The following AP1S3 variants were observed in gnomAD, a reference collection of about 807,000 sequenced individuals.
The protein encoded by AP1S3 is adaptor related protein complex 1 subunit sigma 3.
Under a neutral mutation model 20.9 loss-of-function variants are expected in AP1S3, and 10 were observed. The observed-to-expected ratio is 0.48, with a 90% confidence interval of 0.29 to 0.81. The LOEUF is 0.81. AP1S3 is among the 30% of genes least tolerant of loss of function. The pLI is 0.08. For synonymous variants in AP1S3, 41 were observed against 61.5 expected, an observed-to-expected ratio of 0.67 and a Z score of 1.56; for missense variants, 154 against 183.8, an observed-to-expected ratio of 0.84 and a Z score of 0.94.
At chr2:223,815,875 T>C (rs1562299) in intron 1 of AP1S3, among the ~76,000 whole-genome samples, 76,006 of 152,042 alleles carry the variant, frequency 0.5, 19,122 homozygotes, top group Admixed American at 0.58. Flanking sequence ...TACGGGAGGC[T>C]AAGGGAGGAA....
At chr2:223,777,956 A>T (rs907173270) in intron 1 of AP1S3, 87 bp from the exon 2 acceptor site, 1 of 1,187,560 alleles carries the variant, frequency 8.4e-7, no homozygotes, top group African/African-American at 1.5e-5. Flanking sequence ...TGATGGATTT[A>T]CACAGAAAGA....
At chr2:223,816,839 T>C (rs932520030) in intron 1 of AP1S3, among the ~76,000 whole-genome samples, 2 of 152,136 alleles carry the variant, frequency 1.3e-5, no homozygotes, top group African/African-American at 4.8e-5. Context: ...TAAAATAAAA[T>C]AGCCCAGTCT....
At chr2:223,788,762 TAAAA>T (rs778744960) in intron 1 of AP1S3, among the ~76,000 whole-genome samples, 1 of 110,142 alleles carries the variant, frequency 9.1e-6, no homozygotes, top group African/African-American at 3.4e-5. Context: ...AGACTCTGTC[TAAAA>T]AAAAAAAAAA....
At chr2:223,807,705 C>G (rs1289472575) in intron 1 of AP1S3, among the ~76,000 whole-genome samples, 1 of 151,890 alleles carries the variant, frequency 6.6e-6, no homozygotes, top group African/African-American at 2.4e-5. Flanking sequence ...TGTTCCTGCT[C>G]CCCCACATAA....
chr2:223,808,144 C>T (rs1284961803), intron 1 of AP1S3, among the ~76,000 whole-genome samples: 1 of 152,060 alleles, frequency 6.6e-6, no homozygotes, highest in East Asian at 1.9e-4. Flanking sequence ...TGGATTTATA[C>T]AAACAGTGAA....
intron 1 of AP1S3, among the ~76,000 whole-genome samples, chr2:223,800,430 G>T (rs1390832888): frequency 1.3e-5 from 2 of 151,946 alleles, no homozygotes; most frequent in African/African-American, 4.8e-5. Context: ...TACTCAGGAG[G>T]CTGAGGTGGG....
Position 223,777,712 on chromosome 2 carries a change from T to C in AP1S3, c.161A>G (p.Glu54Gly). The C allele has an allele frequency of 1.2e-6, 2 of 1,613,264 alleles. No homozygotes were observed. The highest frequency in any genetic ancestry group is 1.7e-6 in the Non-Finnish European group (2 of 1,179,848). ...HRTSSFVDWK[E>G]LKLVYKRYAS... ...ACACCTTTTATAAACAAGTTTTAGCTCCTTCCAGTCAACAAAACTGCTTGT... is the reference window on the plus strand; with the variant it reads ...ACACCTTTTATAAACAAGTTTTAGCCCCTTCCAGTCAACAAAACTGCTTGT... Residue 54 changes from glutamate (E) to glycine (G), a missense_variant, in exon 2 of 5, where the codon GAG (glutamate) becomes GGG (glycine). Glu to Gly is a moderately conservative substitution (Grantham distance 98, BLOSUM62 -2). Coordinates refer to ENST00000396654, the MANE Select transcript of AP1S3 (RefSeq NM_001039569.2).
rs534706153 is a variant in AP1S3, at chr2:223,777,881, G to C, written c.4-12C>G. The C allele has an allele frequency of 4.4e-6, 7 of 1,602,278 alleles. No individual in the cohort carries two copies. The highest frequency in any genetic ancestry group is 6.0e-6 in the Non-Finnish European group (7 of 1,175,044). On this transcript the variant is annotated splice_polypyrimidine_tract_variant and intron_variant, in intron 1 of 4. Coordinates refer to ENST00000396654, the MANE Select transcript of AP1S3 (RefSeq NM_001039569.2). ...AATATGAAATGTATCTAGAACAAAG[G>C]ACACAAAAAACAGAACCTGATCAAC...
At chr2:223,800,206 T>G (rs1342492914) in intron 1 of AP1S3, among the ~76,000 whole-genome samples, 7 of 138,384 alleles carry the variant, frequency 5.1e-5, no homozygotes, top group Non-Finnish European at 1.1e-4. Flanking sequence ...CAAAGCGAGA[T>G]TGCGTCTAAA....
chr2:223,765,502 G>A (rs774285632), intron 3 of AP1S3, 152 bp from the exon 4 acceptor site: 1 of 760,190 alleles, frequency 1.3e-6, no homozygotes, highest in South Asian at 2.0e-5. Flanking sequence ...AAAGAACAGG[G>A]AATGTCAGGC....
chr2:223,788,862 G>C (rs138130745), intron 1 of AP1S3, among the ~76,000 whole-genome samples: 2 of 151,872 alleles, frequency 1.3e-5, no homozygotes, highest in Admixed American at 1.3e-4. Context: ...GAAAAGCTAT[G>C]TATGTAAGGT....
At chr2:223,826,695 C>A (rs1484851564) in intron 1 of AP1S3, among the ~76,000 whole-genome samples, 1 of 152,002 alleles carries the variant, frequency 6.6e-6, no homozygotes, top group East Asian at 1.9e-4. Flanking sequence ...ACTCTGTCAT[C>A]CAGGCTGGAG....
At chr2:223,772,232 G>A (rs1023508232) in intron 3 of AP1S3, among the ~76,000 whole-genome samples, 5 of 152,126 alleles carry the variant, frequency 3.3e-5, no homozygotes, top group Non-Finnish European at 7.3e-5. Flanking sequence ...AGCCCTATAA[G>A]GTTAGCAAAG....
rs1014125621 is a variant in AP1S3, at chr2:223,775,881, C to T, written c.291+20G>A. 1 of 1,596,580 alleles carries T rather than the reference C, an allele frequency of 6.3e-7. No homozygotes were observed. On this transcript the variant is annotated intron_variant, in intron 3 of 4. Coordinates refer to ENST00000396654, the MANE Select transcript of AP1S3 (RefSeq NM_001039569.2). ...AGATGGGGACTGTAGCTAATCCTAA[C>T]CGACAAGGACAACACTTACATTTCC...
intron 1 of AP1S3, among the ~76,000 whole-genome samples, chr2:223,808,852 T>G (rs1210243566): frequency 1.3e-5 from 2 of 151,944 alleles, no homozygotes; most frequent in Non-Finnish European, 2.9e-5. Context: ...CAGAATTAGC[T>G]GGGTGTGGAG....
At chr2:223,836,821 T>C (rs1375023900) in intron 1 of AP1S3, among the ~76,000 whole-genome samples, 1 of 152,108 alleles carries the variant, frequency 6.6e-6, no homozygotes, top group African/African-American at 2.4e-5. Context: ...ACCAAACTCC[T>C]TATTTTGGCC....
intron 1 of AP1S3, among the ~76,000 whole-genome samples, chr2:223,833,102 T>C (rs1484305815): frequency 6.6e-6 from 1 of 152,164 alleles, no homozygotes; most frequent in African/African-American, 2.4e-5. Flanking sequence ...TTGTTCACAA[T>C]GTGGTTTTGT....
intron 1 of AP1S3, among the ~76,000 whole-genome samples, chr2:223,804,717 CAA>C (rs746509169): frequency 1.0e-4 from 12 of 118,012 alleles, no homozygotes; most frequent in Admixed American, 1.8e-4. Context: ...GAGACTGTTT[CAA>C]AAAAAAAAAA....
intron 3 of AP1S3, among the ~76,000 whole-genome samples, chr2:223,765,737 ACT>A (rs765989749): frequency 5.3e-5 from 8 of 151,874 alleles, no homozygotes; most frequent in Non-Finnish European, 5.9e-5. Context: ...TAGCTTTAGA[ACT>A]CTCTCAGAAA....
Sources: allele counts gnomAD v4.1 joint callset (sites outside exome capture counted in the v4.1 genomes callset), GRCh38; gene constraint gnomAD v4.1.1; transcripts MANE v1.5; gene names NCBI Gene and HGNC (gene_info 2026-07-23, HGNC 2026-07-21).